HDDC2: variants seen among roughly 807,000 people sequenced by gnomAD.
HDDC2 encodes 5'-deoxynucleotidase HDDC2.
In HDDC2, 25 loss-of-function variants were observed where a neutral mutation model predicts 25.5. That is an observed-to-expected ratio of 0.98 (90% CI 0.72 to 1.37). The LOEUF is 1.37. Among genes scored for constraint, HDDC2 ranks in the 40% most tolerant of loss-of-function variants. The pLI is 0.00. For missense variants in HDDC2, 264 were observed against 253.1 expected (o/e 1.04, Z -0.29); for synonymous variants, 106 against 89.7 (o/e 1.18, Z -1.03).
At position 125,301,890 on chromosome 6, in the gene HDDC2, G is replaced by T. The variant is rs777901471; in HGVS notation, c.43C>A (p.Arg15=). 1.9e-6 allele frequency: 3 copies of T among 1,551,576 alleles called. No homozygotes were observed. Among genetic ancestry groups the T allele is most frequent in the Non-Finnish European group, 1.7e-6 (2 of 1,149,458 alleles). ...AGCCGCAGGAACTGCAGTAGGGACC[G>T]AGCCCCGTGGCCCGAGAAGGTCGCA... is the stretch of plus-strand genomic sequence containing the variant. ...SSATFSGHGA[R]SLLQFLRLVG... Residue 15 remains arginine (R), a synonymous_variant, in exon 1 of 6, where the codon CGG becomes AGG. Transcript: ENST00000398153.
chr6:125,290,165 C>T (rs1798609267), intron 4 of HDDC2, among the ~76,000 whole-genome samples: 1 of 152,106 alleles, frequency 6.6e-6, no homozygotes, highest in Admixed American at 6.5e-5. Context: ...CAGAATGACC[C>T]TACTTTCTTA....
chr6:125,291,670 CAT>C (rs1798633216), intron 4 of HDDC2, among the ~76,000 whole-genome samples: 1 of 152,192 alleles, frequency 6.6e-6, no homozygotes, highest in Non-Finnish European at 1.5e-5. Flanking sequence ...GTATGATTCT[CAT>C]TTTCTAGAGG....
At chr6:125,301,234 G>A (rs1416777427) in intron 1 of HDDC2, among the ~76,000 whole-genome samples, 1 of 152,128 alleles carries the variant, frequency 6.6e-6, no homozygotes, top group East Asian at 1.9e-4. Flanking sequence ...GCATGAAACG[G>A]ATAATTTACT....
Position 125,285,607 on chromosome 6 carries a change from G to C in HDDC2, c.378+7234C>G, listed in dbSNP as rs547353329. On this transcript the variant is annotated intron_variant, in intron 4 of 5. Transcript: ENST00000398153. ...GAGTCCCAGAAAAAAGAATAGCAAA[G>C]CAAAAGGAAAACTATACCTCAAGAA... Among the ~76,000 whole-genome samples, 6 of 151,372 alleles carry C rather than the reference G, an allele frequency of 4.0e-5. No individual in the cohort carries two copies. The South Asian group carries it at 8.4e-4, about 21-fold the overall frequency.
chr6:125,301,936 G>A lies in HDDC2; in HGVS notation c.-4C>T, dbSNP rs1798817234. 1.9e-6 allele frequency: 3 copies of A among 1,547,926 alleles called. No homozygotes were observed. Among genetic ancestry groups the A allele is most frequent in the African/African-American group, 1.4e-5 (1 of 73,278 alleles). On this transcript the variant is annotated 5_prime_UTR_variant, in exon 1 of 6. Transcript: ENST00000398153. ...TCGCAGAGGAGACCGAAGCCATGCGGCCACCGACCCCGGCTGGGCGGAGCA... is the reference window on the plus strand; with the variant it reads ...TCGCAGAGGAGACCGAAGCCATGCGACCACCGACCCCGGCTGGGCGGAGCA...
chr6:125,295,744 C>T (rs1341620858), intron 3 of HDDC2, among the ~76,000 whole-genome samples: 1 of 152,148 alleles, frequency 6.6e-6, no homozygotes, highest in Non-Finnish European at 1.5e-5. Context: ...CTCCCAGACA[C>T]AGGCATACCA....
chr6:125,297,460 T>C lies in HDDC2; in HGVS notation c.309+1254A>G, dbSNP rs79649089. ...GGTTGGAACTCTTAAACTGGGACTCTCGTTCCTTGTGGCTCTTCTTACCTT... is the reference window on the plus strand; with the variant it reads ...GGTTGGAACTCTTAAACTGGGACTCCCGTTCCTTGTGGCTCTTCTTACCTT... On this transcript the variant is annotated intron_variant, in intron 3 of 5. Transcript: ENST00000398153. The C allele has an allele frequency of 6.1e-3, 2,443 of 398,088 alleles. 49 individuals carry two copies. Among genetic ancestry groups the C allele is most frequent in the African/African-American group, 0.046 (2,253 of 48,714 alleles). The allele number at this position is 398,088 out of a possible 1,614,324, so 24.7% of individuals were successfully genotyped here.
At chr6:125,276,413 C>T in intron 5 of HDDC2, 170 bp from the exon 6 acceptor site, 1 of 594,784 alleles carries the variant, frequency 1.7e-6, no homozygotes, top group Admixed American at 3.0e-5. Flanking sequence ...TGAAGGGGAC[C>T]ACTTGGCATT....
At position 125,292,832 on chromosome 6, in the gene HDDC2, T is replaced by C. The variant is rs765713972; in HGVS notation, c.378+9A>G. The C allele has an allele frequency of 3.7e-6, 6 of 1,603,098 alleles. No homozygotes were observed. The highest frequency in any genetic ancestry group is 4.3e-6 in the Non-Finnish European group (5 of 1,171,110). ...AAATTAAAAACAGTAACGTACCATA[T>C]ATACTTACTTCCCAAAGTTCATAGA... On this transcript the variant is annotated intron_variant, in intron 4 of 5. Transcript: ENST00000398153.
intron 4 of HDDC2, among the ~76,000 whole-genome samples, chr6:125,292,145 G>A (rs549992513): frequency 3.0e-4 from 45 of 152,244 alleles, no homozygotes; most frequent in African/African-American, 1.0e-3. Flanking sequence ...AATAAGGGGA[G>A]GCTTAGGGCT....
rs141997903 is a variant in HDDC2 at position 125,295,538 on chromosome 6, G to A, written c.310-2629C>T. Among the ~76,000 whole-genome samples the A allele has an allele frequency of 3.6e-3, 549 of 152,210 alleles. 4 individuals carry two copies. The highest frequency in any genetic ancestry group is 0.013 in the African/African-American group (539 of 41,526). ...TTAAATATTGGTACCTACCTAAAGG[G>A]ATCATAGGGATTAAACAGTTAATAC... On this transcript the variant is annotated intron_variant, in intron 3 of 5. Transcript: ENST00000398153.
intron 4 of HDDC2, among the ~76,000 whole-genome samples, chr6:125,280,372 G>A (rs1463761752): frequency 2.6e-5 from 4 of 152,098 alleles, no homozygotes; most frequent in Non-Finnish European, 5.9e-5. Flanking sequence ...GTGGAACCTG[G>A]AATACCAGCA....
Position 125,275,887 on chromosome 6 carries a change from G to T in HDDC2, c.*259C>A. The T allele has an allele frequency of 2.4e-6, 1 of 414,954 alleles. No homozygotes were observed. The highest frequency in any genetic ancestry group is 4.2e-6 in the Non-Finnish European group (1 of 235,434). The allele number at this position is 414,954 out of a possible 1,614,324, so 25.7% of individuals were successfully genotyped here. A position where few individuals can be genotyped will look rare whatever the true frequency, so the allele number is the denominator to read the frequency against. On this transcript the variant is annotated 3_prime_UTR_variant, in exon 6 of 6. Transcript: ENST00000398153. ...CTCCAATAAATATTCTAATATTTTA[G>T]GTGTTTAATATTTATTTATTTAGTT...
rs1225388531 is a variant in HDDC2 at position 125,294,292 on chromosome 6, GA to G, written c.310-1384del. Among the ~76,000 whole-genome samples, 8 of 152,102 alleles carry G rather than the reference GA, an allele frequency of 5.3e-5. No individual in the cohort carries two copies. In the South Asian group the frequency reaches 1.2e-3, roughly 24 times the overall value. ...TGTGTATATTTATTTATTACTGGGA[GA>G]AAAAAAATGTTACAGAATACAACCA... On this transcript the variant is annotated intron_variant, in intron 3 of 5. Transcript: ENST00000398153.
intron 1 of HDDC2, 67 bp downstream of exon 1, chr6:125,301,782 C>T: frequency 3.3e-6 from 4 of 1,216,700 alleles, no homozygotes; most frequent in South Asian, 1.3e-5. Context: ...AGCGGGGAGG[C>T]CGGAAGCTCC....
chr6:125,289,967 G>T (rs1798606260), intron 4 of HDDC2, among the ~76,000 whole-genome samples: 1 of 152,162 alleles, frequency 6.6e-6, no homozygotes, highest in South Asian at 2.1e-4. Flanking sequence ...TTCTTGGCTG[G>T]GTGAAATGTG....
chr6:125,284,495 T>A (rs1053768362), intron 4 of HDDC2, among the ~76,000 whole-genome samples: 9 of 152,248 alleles, frequency 5.9e-5, no homozygotes, highest in African/African-American at 1.9e-4. Flanking sequence ...CATCAAAAAG[T>A]GGGCAAAGGA....
At chr6:125,293,150 C>A (rs779126225) in intron 3 of HDDC2, 56 of 561,336 alleles carry the variant, frequency 1.0e-4, no homozygotes, top group South Asian at 7.2e-4. Flanking sequence ...GTCTACAACA[C>A]AACAGACATA....
At chr6:125,276,546 A>G (rs1798372517) in intron 5 of HDDC2, 2 of 366,308 alleles carry the variant, frequency 5.5e-6, no homozygotes, top group Non-Finnish European at 9.8e-6. Context: ...GAACTATGGG[A>G]AAACTCAGGT....
Sources: gnomAD v4.1 joint callset for allele counts (sites outside exome capture counted in the v4.1 genomes callset) on GRCh38, gnomAD v4.1.1 for gene constraint, MANE v1.5 for transcripts, NCBI Gene and HGNC (gene_info 2026-07-23, HGNC 2026-07-21) for gene names.